ZFP62: variants seen among roughly 807,000 people sequenced by gnomAD.
ZFP62 encodes the protein ZFP62 zinc finger protein, also known as zinc finger protein 62 homolog.
In ZFP62, 44 loss-of-function variants were observed where a neutral mutation model predicts 56.4. The observed-to-expected ratio is 0.78, with a 90% CI of 0.61 to 1.00. The LOEUF is 1.00. Among genes scored for constraint, ZFP62 ranks in the 50% least tolerant of loss-of-function variants. The probability of loss-of-function intolerance (pLI) is 0.00; values close to 1 mark genes in which losing one functional copy is unlikely to be tolerated. For missense variants in ZFP62, 1,030 were observed against 1,085.7 expected (o/e 0.95, Z 0.72); for synonymous variants, 421 against 388.9 (o/e 1.08, Z -0.97).
In ZFP62 at chr5:180,850,088, C is replaced by T. The variant is rs1285621623; in HGVS notation, c.1407G>A (p.Arg469=). 1.3e-6 allele frequency: 2 copies of T among 1,551,766 alleles called. No homozygotes were observed. The highest frequency in any genetic ancestry group is 2.4e-5 in the East Asian group (1 of 40,920). The stretch of plus-strand genomic sequence containing the variant: ...TATATGGTTTTTCCCCAGTATGGAG[C>T]CTCCTGTGGACTTTGAGGCCTGCAT... The part of the protein sequence containing the change: ...RNNAGLKVHR[R]LHTGEKPYKC... The change falls in exon 2 of 2, where the codon AGG becomes AGA. Residue 469 remains arginine (R), a synonymous_variant. Transcript: ENST00000502412.
intron 1 of ZFP62, among the ~76,000 whole-genome samples, chr5:180,854,681 A>T (rs1033088834): frequency 6.6e-6 from 1 of 152,214 alleles, no homozygotes; most frequent in Non-Finnish European, 1.5e-5. Context: ...TGCTTTTAGT[A>T]GGGAGAAGGA....
At chr5:180,843,775 T>A (rs373174978), downstream of ZFP62, among the ~76,000 whole-genome samples, 5 of 152,334 alleles carry the variant, frequency 3.3e-5, no homozygotes, top group East Asian at 5.8e-4. Flanking sequence ...ATCTAATGGC[T>A]TTATGTAGAT....
chr5:180,860,072 C>A (rs1407428564), intron 1 of ZFP62, among the ~76,000 whole-genome samples: 1 of 152,182 alleles, frequency 6.6e-6, no homozygotes, highest in African/African-American at 2.4e-5. Flanking sequence ...AAACAAAACA[C>A]AACTTCTGTG....
the ZFP62 span, chr5:180,830,119 G>A: frequency 6.6e-6 from 1 of 152,160 alleles, no homozygotes; most frequent in South Asian, 2.1e-4. Context: ...GGCTGGAAGT[G>A]GGGCCAGTGG....
In ZFP62 at chr5:180,849,466, C is replaced by A; in HGVS notation, c.2029G>T (p.Val677Leu). The change falls in exon 2 of 2, where the codon GTG becomes TTG. Residue 677 changes from valine (V) to leucine (L), a missense_variant. Coordinates refer to ENST00000502412, the MANE Select transcript of ZFP62 (RefSeq NM_001172638.2). ...HTGERPYECD[V>L]CGKAYISHSS... ...TGTGAGATGTAGGCTTTTCCACACACATCACATTCATAGGGCCTCTCCCCA... is the reference window on the plus strand; with the variant it reads ...TGTGAGATGTAGGCTTTTCCACACAAATCACATTCATAGGGCCTCTCCCCA... The A allele has an allele frequency of 6.4e-7, 1 of 1,552,138 alleles. No individual in the cohort carries two copies. Among genetic ancestry groups the A allele is most frequent in the Non-Finnish European group, 8.7e-7 (1 of 1,147,144 alleles).
In ZFP62 at chr5:180,850,218, C is replaced by T. The variant is rs1006943778; in HGVS notation, c.1277G>A (p.Cys426Tyr). Residue 426 changes from cysteine to tyrosine, a missense_variant, in exon 2 of 2, where the codon TGT (cysteine) becomes TAT (tyrosine). Cys to Tyr is a radical substitution (Grantham distance 194). Transcript: ENST00000502412. Reference sequence around the variant, plus strand: ...TGAGTTATAACTAAAGGATTTCCCACACTCCTTACATTCATGGGCTTTCTT... The same window carrying T: ...TGAGTTATAACTAAAGGATTTCCCATACTCCTTACATTCATGGGCTTTCTT... ...PGKKAHECKE[C>Y]GKSFSYNSLL... The T allele has an allele frequency of 6.4e-7, 1 of 1,552,954 alleles. No homozygotes were observed. The highest frequency in any genetic ancestry group is 2.0e-5 in the Admixed American group (1 of 51,062).
intron 1 of ZFP62, among the ~76,000 whole-genome samples, chr5:180,854,966 G>C (rs1286298973): frequency 6.6e-6 from 1 of 152,170 alleles, no homozygotes. Context: ...GAAAAAGTTG[G>C]AAAATGGATG....
At chr5:180,836,012 A>G in the ZFP62 span, among the ~76,000 whole-genome samples, 5 of 152,216 alleles carry the variant, frequency 3.3e-5, no homozygotes, top group Admixed American at 3.3e-4. Flanking sequence ...GGTTAGATAC[A>G]CAAATACTTA....
chr5:180,858,207 A>G (rs572385549), intron 1 of ZFP62, among the ~76,000 whole-genome samples: 13 of 132,498 alleles, frequency 9.8e-5, no homozygotes, highest in African/African-American at 3.6e-4. Context: ...CAGTAAGCTG[A>G]GATTGTGCCA....
the ZFP62 span, among the ~76,000 whole-genome samples, chr5:180,838,679 ACTT>A: frequency 6.7e-6 from 1 of 149,808 alleles, no homozygotes; most frequent in Non-Finnish European, 1.5e-5. Flanking sequence ...TTTATACTAT[ACTT>A]CTTTGGCAAG....
chr5:180,861,149 G>A (rs370965840), intron 1 of ZFP62, 70 bp downstream of exon 1: 2 of 398,656 alleles, frequency 5.0e-6, no homozygotes, highest in African/African-American at 2.1e-5. Context: ...GCCAAGACCC[G>A]GCCAAAAAGG....
At chr5:180,858,884 T>C (rs936696430) in intron 1 of ZFP62, among the ~76,000 whole-genome samples, 7 of 152,238 alleles carry the variant, frequency 4.6e-5, no homozygotes, top group Non-Finnish European at 7.3e-5. Flanking sequence ...ATGAGTCTAA[T>C]AGCCTGGTTA....
At chr5:180,856,585 G>C (rs1773985672) in intron 1 of ZFP62, among the ~76,000 whole-genome samples, 2 of 152,140 alleles carry the variant, frequency 1.3e-5, no homozygotes, top group South Asian at 4.1e-4. Context: ...CAAAGACATG[G>C]ATATGACAAG....
downstream of ZFP62, among the ~76,000 whole-genome samples, chr5:180,843,312 G>A (rs1479166533): frequency 1.3e-5 from 2 of 151,828 alleles, no homozygotes; most frequent in African/African-American, 2.4e-5. Flanking sequence ...AAGAGAAAAA[G>A]TATATAACTT....
At chr5:180,833,478 C>CAA in the ZFP62 span, among the ~76,000 whole-genome samples, 63 of 76,680 alleles carry the variant, frequency 8.2e-4, 1 homozygote, top group Admixed American at 1.6e-3. Flanking sequence ...AACTCTGTCT[C>CAA]AAAAAAAAAA....
At chr5:180,843,981 T>C (rs1006103071), downstream of ZFP62, among the ~76,000 whole-genome samples, 1 of 152,248 alleles carries the variant, frequency 6.6e-6, no homozygotes, top group Non-Finnish European at 1.5e-5. Context: ...AAAAATATAC[T>C]TCTAAATAAG....
the ZFP62 span, among the ~76,000 whole-genome samples, chr5:180,829,796 C>T: frequency 2.6e-5 from 4 of 152,094 alleles, no homozygotes; most frequent in African/African-American, 4.8e-5. Flanking sequence ...CTGAAAGCCC[C>T]GGCCATAGTC....
chr5:180,857,700 G>A (rs1392471844), intron 1 of ZFP62, among the ~76,000 whole-genome samples: 2 of 151,832 alleles, frequency 1.3e-5, no homozygotes, highest in Admixed American at 1.3e-4. Flanking sequence ...GTTTTGCCAT[G>A]TTGGCAGGCC....
chr5:180,845,522 A>G (rs896611558), downstream of ZFP62, among the ~76,000 whole-genome samples: 8 of 152,076 alleles, frequency 5.3e-5, no homozygotes, highest in African/African-American at 4.8e-5. Flanking sequence ...CCTTCGCACA[A>G]TGACACTATC....
Sources: allele counts gnomAD v4.1 joint callset (sites outside exome capture counted in the v4.1 genomes callset), GRCh38; gene constraint gnomAD v4.1.1; transcripts MANE v1.5; gene names NCBI Gene and HGNC (gene_info 2026-07-23, HGNC 2026-07-21).